KALRN: variants seen among roughly 807,000 people sequenced by gnomAD.
KALRN encodes kalirin RhoGEF kinase.
A neutral mutation model predicts 353.7 loss-of-function variants in KALRN; 70 were observed. That is an observed-to-expected ratio of 0.20 (90% CI 0.16 to 0.24). KALRN has a LOEUF of 0.24. KALRN is among the 10% of genes least tolerant of loss of function. The pLI, the probability that KALRN is intolerant of heterozygous loss-of-function variation, is 1.00. For missense variants in KALRN, 2,791 were observed against 3,756.7 expected (o/e 0.74, Z 6.72); for synonymous variants, 1,391 against 1,434.8 (o/e 0.97, Z 0.69).
intron 33 of KALRN, among the ~76,000 whole-genome samples, chr3:124,498,651 T>A (rs2064153091): frequency 6.6e-6 from 1 of 152,208 alleles, no homozygotes. Context: ...AGATTCTATG[T>A]TATGTGTGTA....
intron 18 of KALRN, among the ~76,000 whole-genome samples, chr3:124,441,305 A>G (rs1346470988): frequency 6.6e-6 from 1 of 152,228 alleles, no homozygotes; most frequent in African/African-American, 2.4e-5. Context: ...CTGAGAGTGA[A>G]TGTTAGTAAT....
At chr3:124,495,223 T>G (rs2063576466) in intron 32 of KALRN, among the ~76,000 whole-genome samples, 1 of 152,158 alleles carries the variant, frequency 6.6e-6, no homozygotes, top group Non-Finnish European at 1.5e-5. Context: ...AACCTGTGAC[T>G]GTTCACCAAT....
chr3:124,127,173 C>T (rs550980377), intron 1 of KALRN, among the ~76,000 whole-genome samples: 39 of 152,220 alleles, frequency 2.6e-4, no homozygotes, highest in African/African-American at 8.7e-4. Flanking sequence ...CTTTAATTTG[C>T]GACTCTATTG....
rs539438059 is a variant in KALRN at position 124,237,552 on chromosome 3, G to A, written c.263+2609G>A. Among the ~76,000 whole-genome samples, 9 of 152,108 alleles carry A rather than the reference G, an allele frequency of 5.9e-5. No homozygotes were observed. In the East Asian group the frequency reaches 1.4e-3, roughly 23 times the overall value. On this transcript the variant is annotated intron_variant, in intron 3 of 59. Transcript: ENST00000682506. ...TAATTTTTGTATTTTTATTAGAGAT[G>A]GGGTTTCACTGTGTTGGCCAGGCTG...
intron 1 of KALRN, among the ~76,000 whole-genome samples, chr3:124,049,920 A>G (rs1290793777): frequency 6.6e-6 from 1 of 152,178 alleles, no homozygotes; most frequent in East Asian, 1.9e-4. Flanking sequence ...TTGCTAGTTT[A>G]TAATATATTA....
chr3:124,286,078 C>CTTTCCTTT (rs1325238279), intron 5 of KALRN, among the ~76,000 whole-genome samples: 4 of 106,936 alleles, frequency 3.7e-5, no homozygotes, highest in Non-Finnish European at 1.9e-5. Context: ...TTCTTTCTTT[C>CTTTCCTTT]CTTCCTTTCT....
chr3:124,517,743 C>T (rs2066779445), intron 33 of KALRN, among the ~76,000 whole-genome samples: 2 of 152,128 alleles, frequency 1.3e-5, no homozygotes, highest in Non-Finnish European at 2.9e-5. Flanking sequence ...AGCTGCATGC[C>T]TTGGAAAAAT....
chr3:124,286,061 G>GTT (rs1327881401), intron 5 of KALRN, among the ~76,000 whole-genome samples: 4 of 125,322 alleles, frequency 3.2e-5, no homozygotes, highest in Non-Finnish European at 7.0e-5. Flanking sequence ...TCAGTGTGCT[G>GTT]TTTTCTTTCT....
rs142258050 is a variant in KALRN at position 124,232,897 on chromosome 3, A to T, written c.149-1932A>T. ...GTCAGACAGGGAAAAAAAAAAGCAGAAACTTGATTCTGTTTCCTGAGCATA... is the reference window on the plus strand; with the variant it reads ...GTCAGACAGGGAAAAAAAAAAGCAGTAACTTGATTCTGTTTCCTGAGCATA... On this transcript the variant is annotated intron_variant, in intron 2 of 59. Coordinates refer to ENST00000682506, the MANE Select transcript of KALRN (RefSeq NM_001388419.1). Among the ~76,000 whole-genome samples the T allele has an allele frequency of 5.8e-4, 89 of 152,246 alleles. 2 individuals are homozygous for T. In the East Asian group the frequency reaches 0.014, roughly 24 times the overall value.
In KALRN at chr3:124,678,167, T is replaced by A. The variant is rs777870982; in HGVS notation, c.7194-23T>A. On this transcript the variant is annotated intron_variant, in intron 49 of 59. Transcript: ENST00000682506. ...GCTGTCCCTGACCTGCCATTTTGAT[T>A]GGTGCATTTTTTGGTACAACAGGAA... 7 of 1,611,812 alleles carry A rather than the reference T, an allele frequency of 4.3e-6. No homozygotes were observed. In the Admixed American group the frequency reaches 1.2e-4, roughly 27 times the overall value.
intron 34 of KALRN, among the ~76,000 whole-genome samples, chr3:124,630,231 C>A (rs2080607231): frequency 6.6e-6 from 1 of 152,146 alleles, no homozygotes; most frequent in Non-Finnish European, 1.5e-5. Context: ...CCTGCATGCC[C>A]ACATCTGCCA....
chr3:124,424,543 G>A (rs1408170858), intron 15 of KALRN, among the ~76,000 whole-genome samples: 1 of 152,048 alleles, frequency 6.6e-6, no homozygotes, highest in East Asian at 1.9e-4. Flanking sequence ...GCCCACACAT[G>A]CCATGCTAAA....
intron 1 of KALRN, among the ~76,000 whole-genome samples, chr3:124,183,102 T>C (rs1187868535): frequency 6.6e-6 from 1 of 152,120 alleles, no homozygotes; most frequent in African/African-American, 2.4e-5. Context: ...ATGATGCCGT[T>C]AGAGTGGGCC....
chr3:124,177,833 T>C (rs2073003276), intron 1 of KALRN, among the ~76,000 whole-genome samples: 2 of 152,164 alleles, frequency 1.3e-5, no homozygotes, highest in South Asian at 4.1e-4. Context: ...TTTTATCCTC[T>C]GCAGTTTTCC....
chr3:124,218,422 A>G (rs1017592101), intron 1 of KALRN, among the ~76,000 whole-genome samples: 2 of 152,196 alleles, frequency 1.3e-5, no homozygotes, highest in African/African-American at 4.8e-5. Context: ...CAAATATATT[A>G]TAATAGCAAA....
At position 124,697,724 on chromosome 3, in the gene KALRN, G is replaced by A; in HGVS notation, c.7831G>A (p.Gly2611Ser). The A allele has an allele frequency of 6.4e-7, 1 of 1,560,434 alleles. No individual in the cohort carries two copies. The highest frequency in any genetic ancestry group is 1.2e-5 in the South Asian group (1 of 82,854). Reference sequence around the variant, plus strand: ...TTACACTGTGGAGTACAGAGAGGAAGGTGCACTATCTCCTGCTCTTCTTTT... The same window carrying A: ...TTACACTGTGGAGTACAGAGAGGAAAGTGCACTATCTCCTGCTCTTCTTTT... ...SGYTVEYREE[G>S]SQIWQQSVAS... is the part of the protein sequence containing the mutation. The change falls in exon 55 of 60, where the codon GGT becomes AGT. Residue 2611 changes from glycine (G) to serine (S), a missense_variant and splice_region_variant. Coordinates refer to ENST00000682506, the MANE Select transcript of KALRN (RefSeq NM_001388419.1).
intron 34 of KALRN, among the ~76,000 whole-genome samples, chr3:124,631,814 G>A (rs1475778999): frequency 1.3e-5 from 2 of 152,206 alleles, no homozygotes; most frequent in Non-Finnish European, 2.9e-5. Context: ...CCACATGCTT[G>A]TTGACCCAGC....
chr3:124,572,970 G>A (rs1490142306), intron 34 of KALRN, among the ~76,000 whole-genome samples: 2 of 152,064 alleles, frequency 1.3e-5, no homozygotes, highest in East Asian at 1.9e-4. Flanking sequence ...CCAGGAGGTC[G>A]AGCCTGCAGT....
chr3:124,098,560 C>T (rs1335277494), intron 1 of KALRN, among the ~76,000 whole-genome samples: 1 of 152,130 alleles, frequency 6.6e-6, no homozygotes, highest in Non-Finnish European at 1.5e-5. Context: ...TACAAGTATC[C>T]CCATTCCCTG....
Sources: allele counts gnomAD v4.1 joint callset (sites outside exome capture counted in the v4.1 genomes callset), GRCh38; gene constraint gnomAD v4.1.1; transcripts MANE v1.5; gene names NCBI Gene and HGNC (gene_info 2026-07-23, HGNC 2026-07-21).